KLF12: variants seen among roughly 807,000 people sequenced by gnomAD.
KLF12 encodes the protein Krueppel-like factor 12.
A neutral mutation model predicts 37.8 loss-of-function variants in KLF12; 9 were observed. That is an observed-to-expected ratio of 0.24 (90% confidence interval 0.14 to 0.42). The LOEUF is 0.42. Ranked by LOEUF, KLF12 falls within the 10% of genes least tolerant of loss-of-function variation. The pLI, the probability that KLF12 is intolerant of heterozygous loss-of-function variation, is 1.00. For synonymous variants in KLF12, 208 were observed against 202.1 expected (o/e 1.03, Z -0.25); for missense variants, 411 against 516.0 (o/e 0.80, Z 1.97).
rs1225240437 is a variant in KLF12 at position 73,690,218 on chromosome 13, T to C, written c.*5272A>G. The C allele has an allele frequency of 2.6e-5, 4 of 152,560 alleles. No individual in the cohort carries two copies. Among genetic ancestry groups the C allele is most frequent in the African/African-American group, 9.7e-5 (4 of 41,442 alleles). 9.5% of individuals were successfully genotyped at this position (152,560 alleles called of 1,614,324 possible). On this transcript the variant is annotated 3_prime_UTR_variant, in exon 8 of 8. Transcript: ENST00000377669. ...TAAAAGTATAGGAATATCTCATTGG[T>C]CATAAGGTTTACTGACAGGCACTTT...
Position 73,819,926 on chromosome 13 carries a change from G to T in KLF12, c.671-6639C>A, listed in dbSNP as rs1181561034. 2.6e-5 allele frequency among the ~76,000 whole-genome samples: 4 copies of T among 152,146 alleles called. No homozygotes were observed. In the East Asian group the frequency reaches 5.8e-4, roughly 22 times the overall value. On this transcript the variant is annotated intron_variant, in intron 4 of 7. Transcript: ENST00000377669. ...GATAAAGTAGGAATGTGTTTCATGT[G>T]CCTGAGGACCTGCAAGGAAGCTGTG...
At chr13:74,206,896 T>C in the KLF12 span, among the ~76,000 whole-genome samples, 4 of 152,218 alleles carry the variant, frequency 2.6e-5, no homozygotes, top group African/African-American at 9.6e-5. Context: ...AATATCCTAA[T>C]GAGCACTTTT....
At chr13:73,737,410 T>C (rs1444043907) in intron 6 of KLF12, among the ~76,000 whole-genome samples, 7 of 152,180 alleles carry the variant, frequency 4.6e-5, no homozygotes, top group Admixed American at 2.0e-4. Flanking sequence ...TGGGAAAGTG[T>C]TATTTTCGTG....
the KLF12 span, among the ~76,000 whole-genome samples, chr13:74,256,775 A>T: frequency 0.033 from 4,959 of 151,780 alleles, 119 homozygotes; most frequent in Middle Eastern, 0.071. Context: ...CTATTTGCAG[A>T]CTCACTGTCA....
At chr13:74,038,269 C>T (rs1008960523) in intron 1 of KLF12, among the ~76,000 whole-genome samples, 1 of 152,142 alleles carries the variant, frequency 6.6e-6, no homozygotes, top group African/African-American at 2.4e-5. Context: ...TATAACTATT[C>T]AAAATAATTT....
chr13:73,906,966 T>A (rs1888332072), intron 3 of KLF12, among the ~76,000 whole-genome samples: 1 of 152,190 alleles, frequency 6.6e-6, no homozygotes, highest in South Asian at 2.1e-4. Context: ...ACATTGGTCC[T>A]CAGAGCAATC....
the KLF12 span, among the ~76,000 whole-genome samples, chr13:74,262,825 A>G: frequency 6.6e-6 from 1 of 152,088 alleles, no homozygotes; most frequent in East Asian, 1.9e-4. Context: ...ATGTGTGCAT[A>G]TATGTACGTA....
At chr13:73,997,072 T>C (rs539991953) in intron 1 of KLF12, among the ~76,000 whole-genome samples, 50 of 152,324 alleles carry the variant, frequency 3.3e-4, no homozygotes, top group African/African-American at 1.2e-3. Context: ...TTTTAAAGCA[T>C]GGGACGGCCT....
the KLF12 span, chr13:74,259,454 T>C: frequency 6.6e-6 from 1 of 152,328 alleles, no homozygotes; most frequent in South Asian, 2.1e-4. Flanking sequence ...TTCACTCAGG[T>C]GTTTCTTCCA....
chr13:73,873,558 T>C (rs76792660), intron 3 of KLF12, among the ~76,000 whole-genome samples: 5,178 of 152,236 alleles, frequency 0.034, 271 homozygotes, highest in African/African-American at 0.12. Flanking sequence ...CAGAAATGAG[T>C]TATTAAAACC....
intron 1 of KLF12, among the ~76,000 whole-genome samples, chr13:74,034,003 T>C (rs1893180643): frequency 6.6e-6 from 1 of 152,026 alleles, no homozygotes; most frequent in Admixed American, 6.6e-5. Flanking sequence ...GGACTACCAG[T>C]GACATTAAAC....
intron 1 of KLF12, among the ~76,000 whole-genome samples, chr13:74,080,059 C>T (rs529052859): frequency 7.9e-5 from 12 of 152,092 alleles, no homozygotes; most frequent in Non-Finnish European, 1.8e-4. Flanking sequence ...AGAAAATTGT[C>T]ACATGCTACA....
intron 2 of KLF12, among the ~76,000 whole-genome samples, chr13:73,954,267 C>T (rs1276603708): frequency 4.6e-5 from 7 of 152,040 alleles, no homozygotes; most frequent in Admixed American, 4.6e-4. Context: ...CGAAACCCAC[C>T]GCACCCAGCC....
chr13:73,881,140 T>G (rs1046707427), intron 3 of KLF12, among the ~76,000 whole-genome samples: 1 of 152,162 alleles, frequency 6.6e-6, no homozygotes, highest in African/African-American at 2.4e-5. Flanking sequence ...GAAAGGTAAA[T>G]TAGGGGAAAC....
chr13:74,144,786 T>C, the KLF12 span, among the ~76,000 whole-genome samples: 1 of 152,306 alleles, frequency 6.6e-6, no homozygotes, highest in South Asian at 2.1e-4. Context: ...AATATCGTCT[T>C]GTTTACAATT....
At chr13:73,973,096 C>A (rs1050487722) in intron 2 of KLF12, among the ~76,000 whole-genome samples, 6 of 152,172 alleles carry the variant, frequency 3.9e-5, no homozygotes, top group African/African-American at 1.4e-4. Context: ...ATGTAAAACC[C>A]ATTTAGCTTT....
intron 6 of KLF12, among the ~76,000 whole-genome samples, chr13:73,753,894 G>A (rs900635275): frequency 1.3e-5 from 2 of 152,082 alleles, no homozygotes; most frequent in African/African-American, 4.8e-5. Context: ...CTCTGATTGC[G>A]ATCCTCCCTT....
At chr13:74,102,066 A>G (rs950256708) in intron 1 of KLF12, among the ~76,000 whole-genome samples, 1 of 151,546 alleles carries the variant, frequency 6.6e-6, no homozygotes, top group Non-Finnish European at 1.5e-5. Flanking sequence ...AAAAATACAA[A>G]CAGTAGCCAG....
the KLF12 span, among the ~76,000 whole-genome samples, chr13:74,295,245 C>T: frequency 4.6e-5 from 7 of 152,294 alleles, no homozygotes; most frequent in African/African-American, 1.7e-4. Flanking sequence ...CCTTTCCAGC[C>T]TGACCAAGTT....
Sources: gnomAD v4.1 joint callset for allele counts (sites outside exome capture counted in the v4.1 genomes callset) on GRCh38, gnomAD v4.1.1 for gene constraint, MANE v1.5 for transcripts, NCBI Gene and HGNC (gene_info 2026-07-23, HGNC 2026-07-21) for gene names.